FRYL: variants seen among roughly 807,000 people sequenced by gnomAD.
The protein encoded by FRYL is protein furry homolog-like.
Under a neutral mutation model 351.2 loss-of-function variants are expected in FRYL, and 150 were observed. The observed-to-expected ratio is 0.43, with a 90% CI of 0.37 to 0.49. The LOEUF (loss-of-function observed/expected upper bound fraction) is 0.49, where lower values mean the gene tolerates loss of function less well. Ranked by LOEUF, FRYL falls within the 20% of genes least tolerant of loss-of-function variation. The pLI is 0.00. For synonymous variants in FRYL, 1,153 were observed against 1,257.1 expected, an observed-to-expected ratio of 0.92 and a Z score of 1.75; for missense variants, 3,036 against 3,619.3, an observed-to-expected ratio of 0.84 and a Z score of 4.13.
chr4:48,754,023 CTT>C (rs1773517154), intron 1 of FRYL, among the ~76,000 whole-genome samples: 1 of 152,298 alleles, frequency 6.6e-6, no homozygotes, highest in East Asian at 1.9e-4. Flanking sequence ...TGTATTGACA[CTT>C]TTTAAAAACT....
At position 48,505,528 on chromosome 4, in the gene FRYL, A is replaced by G; in HGVS notation, c.8463+19T>C. 6.6e-7 allele frequency: 1 copy of G among 1,524,472 alleles called. No homozygotes were observed. The highest frequency in any genetic ancestry group is 9.1e-7 in the Non-Finnish European group (1 of 1,102,744). The allele number at this position is 1,524,472 out of a possible 1,614,324, so 94.4% of individuals were successfully genotyped here. On this transcript the variant is annotated intron_variant, in intron 60 of 63. Coordinates refer to ENST00000358350, the MANE Select transcript of FRYL (RefSeq NM_015030.2). ...GATACAGAAAATGTATGTTGCAAAA[A>G]CAGGAACAAGAAACTTACTTGTGCA...
At chr4:48,544,253 G>A (rs1315456482) in intron 43 of FRYL, among the ~76,000 whole-genome samples, 2 of 152,142 alleles carry the variant, frequency 1.3e-5, no homozygotes, top group Admixed American at 6.5e-5. Flanking sequence ...ATTCTTTGCT[G>A]GAAGGGCTGC....
chr4:48,748,639 G>T (rs1560350364), intron 1 of FRYL, among the ~76,000 whole-genome samples: 1 of 151,698 alleles, frequency 6.6e-6, no homozygotes. Flanking sequence ...CACATAAAAA[G>T]AAAAAAAATA....
rs1725107754 is a variant in FRYL, at chr4:48,522,468, T to C, written c.7521+433A>G. Among the ~76,000 whole-genome samples, 4 of 152,306 alleles carry C rather than the reference T, an allele frequency of 2.6e-5. No homozygotes were observed. In the South Asian group the frequency reaches 8.3e-4, roughly 32 times the overall value. ...TTCTTGCACCCGTACTCTTCTGAAA[T>C]AACAGGCTACTCTTGCAGCTTTCAT... On this transcript the variant is annotated intron_variant, in intron 54 of 63. Transcript: ENST00000358350.
At chr4:48,605,931 A>G (rs1407059341) in intron 10 of FRYL, 98 bp from the exon 11 acceptor site, 30 of 752,752 alleles carry the variant, frequency 4.0e-5, no homozygotes, top group Non-Finnish European at 6.4e-5. Context: ...TCATTTTACC[A>G]AAAAACTAAG....
chr4:48,569,313 T>C (rs1001918869), intron 27 of FRYL, among the ~76,000 whole-genome samples: 2 of 152,230 alleles, frequency 1.3e-5, no homozygotes, highest in African/African-American at 2.4e-5. Flanking sequence ...TTCTTTCTTT[T>C]TTTTTCTTTT....
rs1373290711 is a variant in FRYL at position 48,645,154 on chromosome 4, A to ATATC, written c.-80-10665_-80-10664insGATA. Among the ~76,000 whole-genome samples, 17 of 122,984 alleles carry ATATC rather than the reference A, an allele frequency of 1.4e-4. 1 individual carries two copies. Among genetic ancestry groups the ATATC allele is most frequent in the Non-Finnish European group, 3.0e-4 (17 of 56,302 alleles). The allele number at this position is 122,984 out of a possible 152,430, so 80.7% of individuals were successfully genotyped here. ...TATATATATATATATATATATATAT[A>ATATC]TCAGACTGGCAAATACTAAAAAGAA... On this transcript the variant is annotated intron_variant, in intron 3 of 63. Transcript: ENST00000358350.
intron 49 of FRYL, among the ~76,000 whole-genome samples, chr4:48,533,578 C>A (rs1728176296): frequency 6.6e-6 from 1 of 152,188 alleles, no homozygotes; most frequent in African/African-American, 2.4e-5. Flanking sequence ...GCAAACGTAA[C>A]TGGAGTATAA....
At chr4:48,735,842 G>A (rs1771302267) in intron 1 of FRYL, among the ~76,000 whole-genome samples, 1 of 98,314 alleles carries the variant, frequency 1.0e-5, no homozygotes, top group Non-Finnish European at 2.0e-5. Context: ...GAGGGGGGAG[G>A]GATAGCATTG....
intron 16 of FRYL, among the ~76,000 whole-genome samples, chr4:48,592,660 T>G (rs1743671794): frequency 6.6e-6 from 1 of 152,198 alleles, no homozygotes; most frequent in African/African-American, 2.4e-5. Flanking sequence ...CCAAAAAATA[T>G]ATAAATAAGA....
chr4:48,513,173 T>C lies in FRYL; in HGVS notation c.7938-485A>G, dbSNP rs1286369003. ...ATGAGGATTAGGTTCTATTATTATCTTGATTTTAAAGCTGAAATAAAAAGT... is the reference window on the plus strand; with the variant it reads ...ATGAGGATTAGGTTCTATTATTATCCTGATTTTAAAGCTGAAATAAAAAGT... On this transcript the variant is annotated intron_variant, in intron 56 of 63. Coordinates refer to ENST00000358350, the MANE Select transcript of FRYL (RefSeq NM_015030.2). Among the ~76,000 whole-genome samples, 3 of 152,304 alleles carry C rather than the reference T, an allele frequency of 2.0e-5. No individual in the cohort carries two copies. The East Asian group carries it at 5.8e-4, about 29-fold the overall frequency.
At chr4:48,502,389 A>C (rs1282606489) in intron 61 of FRYL, among the ~76,000 whole-genome samples, 1 of 151,998 alleles carries the variant, frequency 6.6e-6, no homozygotes, top group Non-Finnish European at 1.5e-5. Flanking sequence ...AAAAATACAA[A>C]AAATAATTAG....
intron 1 of FRYL, among the ~76,000 whole-genome samples, chr4:48,720,918 CAGAA>C (rs1769397505): frequency 6.6e-6 from 1 of 152,210 alleles, no homozygotes; most frequent in Admixed American, 6.5e-5. Flanking sequence ...ACTCAAATTA[CAGAA>C]AGAAAGGGAA....
rs748676880 is a variant in FRYL at position 48,582,451 on chromosome 4, T to C, written c.1986+46A>G. 2.2e-5 allele frequency: 26 copies of C among 1,190,536 alleles called. No individual in the cohort carries two copies. The South Asian group carries it at 3.0e-4, about 14-fold the overall frequency. 73.7% of individuals were successfully genotyped at this position (1,190,536 alleles called of 1,614,324 possible). Reference sequence around the variant, plus strand: ...CTGTATTAAAACCATTATTGGTCATTTAGCACTGACCACATACAAAAGGAC... The same window carrying C: ...CTGTATTAAAACCATTATTGGTCATCTAGCACTGACCACATACAAAAGGAC... On this transcript the variant is annotated intron_variant, in intron 20 of 63. Coordinates refer to ENST00000358350, the MANE Select transcript of FRYL (RefSeq NM_015030.2).
intron 3 of FRYL, among the ~76,000 whole-genome samples, chr4:48,676,820 A>G (rs1332373068): frequency 6.6e-6 from 1 of 152,240 alleles, no homozygotes; most frequent in Admixed American, 6.5e-5. Context: ...AATCTTTATG[A>G]AGTCTAACCA....
chr4:48,501,600 G>T, intron 62 of FRYL, 23 bp downstream of exon 62: 1 of 1,259,026 alleles, frequency 7.9e-7, no homozygotes, highest in Non-Finnish European at 1.2e-6. Flanking sequence ...AGTTACTGAT[G>T]CCTAATACAA....
rs1208364850 is a variant in FRYL at position 48,553,330 on chromosome 4, T to G, written c.4320A>C (p.Glu1440Asp). 6.2e-7 allele frequency: 1 copy of G among 1,612,658 alleles called. No individual in the cohort carries two copies. Among genetic ancestry groups the G allele is most frequent in the Non-Finnish European group, 8.5e-7 (1 of 1,179,066 alleles). ...TCAGCTGAAGCTCACTCACCAGCTC[T>G]TCTAGCAACTGCATTGTTTTATCTC... ...LGRDKTMQLL[E>D]ELVSELQLTD... The change falls in exon 36 of 64, where the codon GAA (glutamate) becomes GAC (aspartate). Residue 1440 changes from glutamate to aspartate, a missense_variant. Around this residue, in one of 7 missense-constraint regions of FRYL, gnomAD observed 1,987 missense variants for 2,311.7 expected, o/e 0.86. Coordinates refer to ENST00000358350, the MANE Select transcript of FRYL (RefSeq NM_015030.2).
chr4:48,620,230 T>C (rs2149320515), intron 6 of FRYL, among the ~76,000 whole-genome samples: 1 of 152,326 alleles, frequency 6.6e-6, no homozygotes, highest in African/African-American at 2.4e-5. Context: ...AACAGTATCA[T>C]AGTACTATTA....
intron 22 of FRYL, 127 bp from the exon 23 acceptor site, chr4:48,579,368 T>G: frequency 2.7e-6 from 2 of 727,998 alleles, no homozygotes; most frequent in Non-Finnish European, 4.4e-6. Flanking sequence ...AAGTCCATGG[T>G]AGGTTGAAGG....
Sources: gnomAD v4.1 joint callset for allele counts (sites outside exome capture counted in the v4.1 genomes callset) on GRCh38, gnomAD v4.1.1 for gene constraint, gnomAD v4.1.1 regional missense constraint, MANE v1.5 for transcripts, NCBI Gene and HGNC (gene_info 2026-07-23, HGNC 2026-07-21) for gene names.